SPATA13: variants seen among roughly 807,000 people sequenced by gnomAD.
The protein encoded by SPATA13 is spermatogenesis-associated protein 13.
Under a neutral mutation model 104.0 loss-of-function variants are expected in SPATA13, and 50 were observed. The ratio of observed to expected loss-of-function variants is 0.48; its 90% CI spans 0.38 to 0.61. The LOEUF is 0.61. Among genes scored for constraint, SPATA13 ranks in the 20% least tolerant of loss-of-function variants. The probability of loss-of-function intolerance (pLI) is 0.00; values close to 1 mark genes in which losing one functional copy is unlikely to be tolerated. For missense variants in SPATA13, 1,524 were observed against 1,690.6 expected, an observed-to-expected ratio of 0.90 and a Z score of 1.73; for synonymous variants, 606 against 667.5, an observed-to-expected ratio of 0.91 and a Z score of 1.42.
At chr13:23,998,117 G>T (rs1283401726) in intron 2 of SPATA13, among the ~76,000 whole-genome samples, 1 of 152,122 alleles carries the variant, frequency 6.6e-6, no homozygotes. Context: ...TGATATGTAC[G>T]TTTAACTTTT....
intron 3 of SPATA13, among the ~76,000 whole-genome samples, chr13:24,063,912 T>C (rs367663240): frequency 2.6e-5 from 4 of 152,190 alleles, no homozygotes; most frequent in Non-Finnish European, 1.5e-5. Flanking sequence ...ACTTCCTTAA[T>C]GACCTGAGGT....
intron 3 of SPATA13, among the ~76,000 whole-genome samples, chr13:24,089,529 C>A (rs947774181): frequency 6.6e-6 from 1 of 152,176 alleles, no homozygotes. Context: ...TGCAATATTA[C>A]AAAACCCCTC....
chr13:24,230,277 ACT>A (rs902280740), intron 2 of SPATA13, among the ~76,000 whole-genome samples: 1 of 152,114 alleles, frequency 6.6e-6, no homozygotes, highest in Admixed American at 6.6e-5. Flanking sequence ...AGCTGTCTGT[ACT>A]CTCATGGGTT....
In SPATA13 at chr13:24,059,116, C is replaced by T. The variant is rs147317998; in HGVS notation, c.-112+41415C>T. 4.6e-3 allele frequency among the ~76,000 whole-genome samples: 702 copies of T among 151,772 alleles called. 12 individuals are homozygous for T. The highest frequency in any genetic ancestry group is 0.016 in the African/African-American group (663 of 41,492). On this transcript the variant is annotated intron_variant, in intron 3 of 14. Transcript: ENST00000424834. ...CCTTCCGAGTAGCTGGGACTACAGTCGCCCACCACCATGTCCTGCTAATTT... is the reference window on the plus strand; with the variant it reads ...CCTTCCGAGTAGCTGGGACTACAGTTGCCCACCACCATGTCCTGCTAATTT...
rs1875748323 is a variant in SPATA13 at position 24,284,224 on chromosome 13, A to C, written c.2254A>C (p.Ser752Arg). 1.9e-5 allele frequency: 31 copies of C among 1,613,724 alleles called. No individual in the cohort carries two copies. The highest frequency in any genetic ancestry group is 2.5e-5 in the Non-Finnish European group (29 of 1,179,942). ...CAGCTATGAAGACCTCTGCCAGGCC[A>C]GCCCTCGGTACCTGCAGCCCGGCGG... ...DFSYEDLCQA[S>R]PRYLQPGGEQ... The change falls in exon 5 of 13, where the codon AGC becomes CGC. Residue 752 changes from serine to arginine, a missense_variant. By Grantham distance (110) the Ser-to-Arg change is moderately radical. Around this residue, in one of 2 missense-constraint regions of SPATA13, gnomAD observed 1,089 missense variants for 1,135.9 expected, o/e 0.96. Transcript: ENST00000382108.
intron 2 of SPATA13, among the ~76,000 whole-genome samples, chr13:23,989,326 G>A (rs574573479): frequency 6.6e-6 from 1 of 151,964 alleles, no homozygotes; most frequent in East Asian, 1.9e-4. Flanking sequence ...GGAGGCTGAG[G>A]AAGGAGAATT....
intron 3 of SPATA13, chr13:24,034,071 G>A (rs1490299801): frequency 3.3e-5 from 5 of 152,140 alleles, no homozygotes; most frequent in African/African-American, 1.2e-4. Context: ...CATAAGGGTG[G>A]CTTCCTCCAC....
chr13:24,247,478 CTTT>C (rs10625714), intron 2 of SPATA13, among the ~76,000 whole-genome samples: 9 of 87,124 alleles, frequency 1.0e-4, no homozygotes, highest in Admixed American at 5.3e-4. Context: ...TCCACATTCA[CTTT>C]TTTTTTTTTT....
At chr13:24,270,808 C>G in intron 4 of SPATA13, 1 of 1,612,422 alleles carries the variant, frequency 6.2e-7, no homozygotes, top group Non-Finnish European at 8.5e-7. Flanking sequence ...ACCGGCTCCT[C>G]GGTCACACCC....
chr13:24,278,591 C>A (rs897270786), intron 4 of SPATA13: 1 of 1,422,450 alleles, frequency 7.0e-7, no homozygotes. Context: ...TCTTGCAATT[C>A]TATACTGTTT....
At chr13:24,120,340 G>C (rs2137823493) in intron 3 of SPATA13, among the ~76,000 whole-genome samples, 1 of 152,364 alleles carries the variant, frequency 6.6e-6, no homozygotes, top group African/African-American at 2.4e-5. Context: ...CAAGTCGCCT[G>C]GGTCACTAAC....
chr13:24,023,473 A>G (rs1288511551), intron 3 of SPATA13, among the ~76,000 whole-genome samples: 3 of 152,224 alleles, frequency 2.0e-5, no homozygotes, highest in African/African-American at 7.2e-5. Context: ...AAGCAGAATA[A>G]TAGTCCCTGG....
intron 3 of SPATA13, among the ~76,000 whole-genome samples, chr13:24,028,775 G>C: frequency 6.6e-6 from 1 of 152,042 alleles, no homozygotes; most frequent in East Asian, 1.9e-4. Flanking sequence ...TTACTCAACT[G>C]TGTGTAATCT....
At chr13:24,253,916 A>G (rs1375908201) in intron 4 of SPATA13, among the ~76,000 whole-genome samples, 1 of 152,138 alleles carries the variant, frequency 6.6e-6, no homozygotes, top group East Asian at 1.9e-4. Flanking sequence ...TGAGGCTGGA[A>G]AGGGCTCTGC....
chr13:24,174,697 C>G (rs1430574948), intron 1 of SPATA13, among the ~76,000 whole-genome samples: 1 of 152,198 alleles, frequency 6.6e-6, no homozygotes, highest in Non-Finnish European at 1.5e-5. Context: ...CTGCCTCAGT[C>G]TCCCAAGTAG....
intron 1 of SPATA13, among the ~76,000 whole-genome samples, chr13:24,214,232 C>T (rs1329604390): frequency 6.6e-6 from 1 of 152,240 alleles, no homozygotes; most frequent in Non-Finnish European, 1.5e-5. Flanking sequence ...ACATCTTCTG[C>T]ACCTCCATAG....
chr13:24,219,336 A>G (rs1871443423), intron 1 of SPATA13, among the ~76,000 whole-genome samples: 1 of 152,216 alleles, frequency 6.6e-6, no homozygotes, highest in Admixed American at 6.5e-5. Flanking sequence ...GGAACAAAAT[A>G]CTAAGTCACT....
chr13:24,254,733 T>C (rs567315466), intron 4 of SPATA13, among the ~76,000 whole-genome samples: 77 of 152,240 alleles, frequency 5.1e-4, no homozygotes, highest in Non-Finnish European at 8.8e-4. Flanking sequence ...TCATCAGCTT[T>C]GTTGAGGGGA....
At chr13:24,050,671 A>C (rs1248780851) in intron 3 of SPATA13, among the ~76,000 whole-genome samples, 2 of 152,160 alleles carry the variant, frequency 1.3e-5, no homozygotes, top group Admixed American at 1.3e-4. Context: ...CAGAAGTTCC[A>C]ATGCAGGGAT....
Sources: gnomAD v4.1 joint callset for allele counts (sites outside exome capture counted in the v4.1 genomes callset) on GRCh38, gnomAD v4.1.1 for gene constraint, gnomAD v4.1.1 regional missense constraint, MANE v1.5 for transcripts, NCBI Gene and HGNC (gene_info 2026-07-23, HGNC 2026-07-21) for gene names.